CNTNAP2: variants seen among roughly 807,000 people sequenced by gnomAD.
CNTNAP2 encodes the protein contactin-associated protein-like 2.
In CNTNAP2, 98 loss-of-function variants were observed where a neutral mutation model predicts 155.2. That is an observed-to-expected ratio of 0.63 (90% CI 0.54 to 0.75). CNTNAP2 has a LOEUF of 0.75. Among genes scored for constraint, CNTNAP2 ranks in the 30% least tolerant of loss-of-function variants. The pLI is 0.00. For synonymous variants in CNTNAP2, 651 were observed against 631.2 expected (o/e 1.03, Z -0.47); for missense variants, 1,727 against 1,688.1 (o/e 1.02, Z -0.40).
intron 1 of CNTNAP2, among the ~76,000 whole-genome samples, chr7:146,508,281 TG>T (rs1797415113): frequency 6.6e-6 from 1 of 152,194 alleles, no homozygotes; most frequent in Non-Finnish European, 1.5e-5. Context: ...CACCCGATAA[TG>T]GCTCAACCAC....
chr7:146,842,993 A>ATTTTTTTTTT (rs1257696854), intron 3 of CNTNAP2, among the ~76,000 whole-genome samples: 1 of 24,208 alleles, frequency 4.1e-5, no homozygotes, highest in Non-Finnish European at 7.7e-5. Flanking sequence ...CCTGTCCCAC[A>ATTTTTTTTTT]CTTTTTTTTT....
chr7:146,305,548 A>G (rs934745889), intron 1 of CNTNAP2, among the ~76,000 whole-genome samples: 2 of 152,104 alleles, frequency 1.3e-5, no homozygotes, highest in Non-Finnish European at 2.9e-5. Context: ...GGTCCACTCC[A>G]TACCCTATTT....
chr7:147,558,769 G>A (rs931387935), intron 11 of CNTNAP2, among the ~76,000 whole-genome samples: 6 of 147,516 alleles, frequency 4.1e-5, no homozygotes, highest in South Asian at 4.3e-4. Flanking sequence ...TTGAGATGGA[G>A]TCTTACTCTG....
chr7:146,998,536 C>T (rs991693333), intron 3 of CNTNAP2, among the ~76,000 whole-genome samples: 2 of 151,864 alleles, frequency 1.3e-5, no homozygotes, highest in African/African-American at 4.8e-5. Flanking sequence ...GTCTGTATAC[C>T]TGCTATATTC....
intron 15 of CNTNAP2, among the ~76,000 whole-genome samples, chr7:148,038,653 T>C (rs936132041): frequency 6.6e-6 from 1 of 152,160 alleles, no homozygotes; most frequent in Non-Finnish European, 1.5e-5. Context: ...TGGTACCCAT[T>C]AAATGTTTCT....
At chr7:146,826,539 C>A (rs1304655330) in intron 2 of CNTNAP2, among the ~76,000 whole-genome samples, 1 of 152,056 alleles carries the variant, frequency 6.6e-6, no homozygotes, top group African/African-American at 2.4e-5. Flanking sequence ...AATACCCTGT[C>A]CACTCACTCT....
chr7:147,405,221 A>G (rs530488258), intron 10 of CNTNAP2, among the ~76,000 whole-genome samples: 1 of 152,376 alleles, frequency 6.6e-6, no homozygotes, highest in African/African-American at 2.4e-5. Flanking sequence ...AGAGATTTAA[A>G]TAAGCCAATC....
chr7:146,531,638 C>G (rs1490650193), intron 1 of CNTNAP2, among the ~76,000 whole-genome samples: 2 of 152,098 alleles, frequency 1.3e-5, no homozygotes, highest in East Asian at 3.9e-4. Context: ...CTCCGCCTCC[C>G]AGGTTCAAGT....
intron 10 of CNTNAP2, among the ~76,000 whole-genome samples, chr7:147,444,049 T>C (rs1422671055): frequency 6.6e-6 from 1 of 152,224 alleles, no homozygotes; most frequent in Non-Finnish European, 1.5e-5. Context: ...CTTGGTTTTG[T>C]TCCTATCAGT....
chr7:147,641,541 G>C (rs1412731487), intron 13 of CNTNAP2, among the ~76,000 whole-genome samples: 2 of 152,152 alleles, frequency 1.3e-5, no homozygotes, highest in Non-Finnish European at 2.9e-5. Flanking sequence ...CATTTATAAT[G>C]AGTGCTATGG....
At chr7:147,239,384 C>T (rs1283902377) in intron 8 of CNTNAP2, among the ~76,000 whole-genome samples, 2 of 151,808 alleles carry the variant, frequency 1.3e-5, no homozygotes, top group African/African-American at 2.4e-5. Context: ...TTGCCGGTCA[C>T]CTGCAATACC....
chr7:147,932,759 A>G (rs762707494), intron 14 of CNTNAP2, among the ~76,000 whole-genome samples: 1 of 152,212 alleles, frequency 6.6e-6, no homozygotes, highest in Non-Finnish European at 1.5e-5. Context: ...GGAACAATCA[A>G]TACAGTGAAA....
chr7:147,562,291 C>A, intron 12 of CNTNAP2, 34 bp downstream of exon 12: 1 of 1,612,342 alleles, frequency 6.2e-7, no homozygotes, highest in African/African-American at 1.3e-5. Flanking sequence ...TATGAAGATG[C>A]TTTTCTATAT....
intron 4 of CNTNAP2, among the ~76,000 whole-genome samples, chr7:147,058,929 G>C (rs1483747256): frequency 6.6e-6 from 1 of 152,128 alleles, no homozygotes; most frequent in Non-Finnish European, 1.5e-5. Flanking sequence ...TTCCTACTAA[G>C]GAAGTAAACG....
chr7:147,347,914 C>T (rs1234031174), intron 9 of CNTNAP2, among the ~76,000 whole-genome samples: 1 of 151,842 alleles, frequency 6.6e-6, no homozygotes, highest in Non-Finnish European at 1.5e-5. Context: ...ACAAACATGC[C>T]GAGAACACTC....
chr7:148,281,074 A>AC (rs1372634318), intron 21 of CNTNAP2, among the ~76,000 whole-genome samples: 1 of 151,832 alleles, frequency 6.6e-6, no homozygotes, highest in East Asian at 1.9e-4. Context: ...CAGGAGAGGG[A>AC]CCTGCAGCGA....
chr7:146,955,275 C>A (rs1325328160), intron 3 of CNTNAP2, among the ~76,000 whole-genome samples: 1 of 151,950 alleles, frequency 6.6e-6, no homozygotes, highest in African/African-American at 2.4e-5. Flanking sequence ...TCTTCTTTTG[C>A]TAAATATTTC....
chr7:147,232,836 T>G (rs1433099244), intron 8 of CNTNAP2, among the ~76,000 whole-genome samples: 4 of 152,204 alleles, frequency 2.6e-5, no homozygotes, highest in African/African-American at 9.7e-5. Flanking sequence ...AACCACCATT[T>G]CAGGGTGATC....
chr7:146,667,251 T>G (rs1313531466), intron 1 of CNTNAP2, among the ~76,000 whole-genome samples: 1 of 152,122 alleles, frequency 6.6e-6, no homozygotes, highest in Non-Finnish European at 1.5e-5. Flanking sequence ...CTTTCCTCAA[T>G]TAGTGTTTTC....
Sources: allele counts gnomAD v4.1 joint callset (sites outside exome capture counted in the v4.1 genomes callset), GRCh38; gene constraint gnomAD v4.1.1; transcripts MANE v1.5; gene names NCBI Gene and HGNC (gene_info 2026-07-23, HGNC 2026-07-21).